Variants in DOK6 observed in about 807,000 individuals in gnomAD.
DOK6 encodes docking protein 6, also known as downstream of tyrosine kinase 6.
In DOK6, 22 loss-of-function variants were observed where a neutral mutation model predicts 44.0. That is an observed-to-expected ratio of 0.50 (90% confidence interval 0.36 to 0.71). The LOEUF is 0.71. Ranked by LOEUF, DOK6 falls within the 30% of genes least tolerant of loss-of-function variation. The pLI, the probability that DOK6 is intolerant of heterozygous loss-of-function variation, is 0.00. For missense variants in DOK6, 340 were observed against 416.4 expected (o/e 0.82, Z 1.60); for synonymous variants, 166 against 145.5 (o/e 1.14, Z -1.01).
At chr18:69,426,503 G>A (rs1189408813) in intron 1 of DOK6, among the ~76,000 whole-genome samples, 3 of 152,054 alleles carry the variant, frequency 2.0e-5, no homozygotes, top group Admixed American at 6.6e-5. Context: ...TATGAAAGTC[G>A]TTTTATTTCT....
chr18:69,476,985 T>C lies in DOK6; in HGVS notation c.66+75675T>C, dbSNP rs143646038. The stretch of plus-strand genomic sequence containing the variant: ...GGTTGCTTGGATTAGTCAGGTGATA[T>C]ATGATTTGCCTGAAGTCTTAATTCT... On this transcript the variant is annotated intron_variant, in intron 1 of 7. Coordinates refer to ENST00000382713, the MANE Select transcript of DOK6 (RefSeq NM_152721.6). Among the ~76,000 whole-genome samples, 15 of 152,274 alleles carry C rather than the reference T, an allele frequency of 9.9e-5. No individual in the cohort carries two copies. The East Asian group carries it at 2.5e-3, about 26-fold the overall frequency.
At chr18:69,803,263 T>C (rs1173796522) in intron 7 of DOK6, among the ~76,000 whole-genome samples, 1 of 152,204 alleles carries the variant, frequency 6.6e-6, no homozygotes, top group Non-Finnish European at 1.5e-5. Context: ...AACAATTTTA[T>C]GAAATGCTCT....
chr18:69,846,870 ACT>A lies in DOK6; in HGVS notation c.*5488_*5489del, dbSNP rs1982355841. On this transcript the variant is annotated 3_prime_UTR_variant, in exon 8 of 8. Coordinates refer to ENST00000382713, the MANE Select transcript of DOK6 (RefSeq NM_152721.6). ...ATTATCAACAAGAATTGGGGAAATGACTTTTTTACATTATAATACCTTATATA... is the reference window on the plus strand; with the variant it reads ...ATTATCAACAAGAATTGGGGAAATGATTTTTACATTATAATACCTTATATA... 2 of 152,146 alleles carry A rather than the reference ACT, an allele frequency of 1.3e-5. No individual in the cohort carries two copies. The highest frequency in any genetic ancestry group is 4.1e-4 in the South Asian group (2 of 4,822). 9.4% of individuals were successfully genotyped at this position (152,146 alleles called of 1,614,324 possible).
intron 3 of DOK6, among the ~76,000 whole-genome samples, chr18:69,670,929 C>T (rs10451408): frequency 0.095 from 14,475 of 152,076 alleles, 888 homozygotes; most frequent in African/African-American, 0.16. Flanking sequence ...CCTTTTTAAG[C>T]TTGTAATTTT....
chr18:69,748,553 A>G (rs1352533582), intron 6 of DOK6, among the ~76,000 whole-genome samples: 4 of 152,208 alleles, frequency 2.6e-5, no homozygotes, highest in African/African-American at 9.7e-5. Flanking sequence ...ATTAGAACTC[A>G]AGATTAAGAA....
chr18:69,501,258 G>A (rs762477019), intron 1 of DOK6, among the ~76,000 whole-genome samples: 8 of 152,016 alleles, frequency 5.3e-5, no homozygotes, highest in African/African-American at 1.4e-4. Context: ...TACTGAGTTC[G>A]TGCTAACTTG....
At chr18:69,472,253 G>A (rs893834097) in intron 1 of DOK6, among the ~76,000 whole-genome samples, 4 of 152,186 alleles carry the variant, frequency 2.6e-5, no homozygotes, top group Admixed American at 6.5e-5. Flanking sequence ...AACGTATTCA[G>A]GCCAGATTCT....
chr18:69,768,848 C>T (rs11151538), intron 7 of DOK6, among the ~76,000 whole-genome samples: 107,775 of 151,262 alleles, frequency 0.71, 39,198 homozygotes, highest in Non-Finnish European at 0.8. Flanking sequence ...TAGACACTAA[C>T]TGGAAATTTG....
In DOK6 at chr18:69,531,087, T is replaced by C. The variant is rs542524214; in HGVS notation, c.67-33400T>C. ...GAGACTAGGATTACAACCCCTGCCT[T>C]TTTTTGTTTTCCATTTGCTTGGTAG... On this transcript the variant is annotated intron_variant, in intron 1 of 7. Coordinates refer to ENST00000382713, the MANE Select transcript of DOK6 (RefSeq NM_152721.6). Among the ~76,000 whole-genome samples the C allele has an allele frequency of 2.6e-5, 4 of 151,800 alleles. No homozygotes were observed. In the East Asian group the frequency reaches 7.7e-4, roughly 29 times the overall value.
intron 7 of DOK6, among the ~76,000 whole-genome samples, chr18:69,764,633 G>A (rs1405784991): frequency 2.6e-5 from 4 of 152,176 alleles, no homozygotes; most frequent in Non-Finnish European, 4.4e-5. Flanking sequence ...GCAGAACTGT[G>A]AGCCAATTAA....
intron 5 of DOK6, among the ~76,000 whole-genome samples, chr18:69,738,624 G>T (rs1978693567): frequency 2.0e-5 from 3 of 152,300 alleles, no homozygotes; most frequent in South Asian, 4.1e-4. Context: ...TATCATGATA[G>T]TCTATGTCAT....
chr18:69,459,378 T>G (rs1335920290), intron 1 of DOK6, among the ~76,000 whole-genome samples: 1 of 152,096 alleles, frequency 6.6e-6, no homozygotes, highest in Non-Finnish European at 1.5e-5. Context: ...TTCTCCAAGT[T>G]TTTCTGGCCC....
chr18:69,536,445 A>G (rs1982124716), intron 1 of DOK6, among the ~76,000 whole-genome samples: 1 of 152,230 alleles, frequency 6.6e-6, no homozygotes, highest in African/African-American at 2.4e-5. Flanking sequence ...CTTATCAAGT[A>G]TAGTTTTTAT....
At chr18:69,694,664 T>C (rs889753512) in intron 4 of DOK6, among the ~76,000 whole-genome samples, 6 of 152,150 alleles carry the variant, frequency 3.9e-5, no homozygotes, top group African/African-American at 9.7e-5. Context: ...TTTGATTTGG[T>C]ATTTGTTTCT....
Position 69,609,453 on chromosome 18 carries a change from T to C in DOK6, c.289+9955T>C, listed in dbSNP as rs574688058. Among the ~76,000 whole-genome samples, 35 of 135,892 alleles carry C rather than the reference T, an allele frequency of 2.6e-4. No homozygotes were observed. In the Middle Eastern group the frequency reaches 0.013, roughly 50 times the overall value. The allele number at this position is 135,892 out of a possible 152,430, so 89.2% of individuals were successfully genotyped here. On this transcript the variant is annotated intron_variant, in intron 3 of 7. Transcript: ENST00000382713. ...AAAATCACAATGAGTATTATGAAAATGTAAATCAAACCTGCCAGGATGGCT... is the reference window on the plus strand; with the variant it reads ...AAAATCACAATGAGTATTATGAAAACGTAAATCAAACCTGCCAGGATGGCT...
intron 3 of DOK6, among the ~76,000 whole-genome samples, chr18:69,657,901 T>G (rs1282964412): frequency 1.3e-5 from 2 of 151,928 alleles, no homozygotes; most frequent in Non-Finnish European, 2.9e-5. Flanking sequence ...GTTTGGGTGG[T>G]TGTTTGGTTT....
At chr18:69,710,852 T>C (rs1986739312) in intron 5 of DOK6, among the ~76,000 whole-genome samples, 1 of 152,222 alleles carries the variant, frequency 6.6e-6, no homozygotes, top group African/African-American at 2.4e-5. Flanking sequence ...TTAGATGAAA[T>C]AGGTAGCTTG....
At chr18:69,524,881 T>A (rs148945253) in intron 1 of DOK6, among the ~76,000 whole-genome samples, 1 of 151,978 alleles carries the variant, frequency 6.6e-6, no homozygotes, top group East Asian at 1.9e-4. Context: ...TCCTTCCAAT[T>A]ATTGGACAAG....
At chr18:69,530,835 C>T (rs903991378) in intron 1 of DOK6, among the ~76,000 whole-genome samples, 12 of 152,112 alleles carry the variant, frequency 7.9e-5, no homozygotes, top group African/African-American at 2.4e-4. Context: ...CTTTCTGTCT[C>T]GTTGATCTGT....
Sources: gnomAD v4.1 joint callset for allele counts (sites outside exome capture counted in the v4.1 genomes callset) on GRCh38, gnomAD v4.1.1 for gene constraint, MANE v1.5 for transcripts, NCBI Gene and HGNC (gene_info 2026-07-23, HGNC 2026-07-21) for gene names.